The following ZSCAN5A variants were observed in gnomAD, a reference collection of about 807,000 sequenced individuals.
The protein encoded by ZSCAN5A is zinc finger and SCAN domain containing 5A.
Under a neutral mutation model 23.7 loss-of-function variants are expected in ZSCAN5A, and 12 were observed. The observed-to-expected ratio is 0.51, with a 90% confidence interval of 0.32 to 0.82. The LOEUF is 0.82. ZSCAN5A is among the 40% of genes least tolerant of loss of function. The pLI is 0.03. For missense variants in ZSCAN5A, 597 were observed against 617.9 expected, an observed-to-expected ratio of 0.97 and a Z score of 0.36; for synonymous variants, 257 against 239.9, an observed-to-expected ratio of 1.07 and a Z score of -0.66.
chr19:56,239,140 T>C (rs956679492), intron 2 of ZSCAN5A, among the ~76,000 whole-genome samples: 4 of 152,162 alleles, frequency 2.6e-5, no homozygotes, highest in Non-Finnish European at 5.9e-5. Flanking sequence ...CCTGGTTCTA[T>C]TCACAGGGAG....
At position 56,232,005 on chromosome 19, in the gene ZSCAN5A, TGA is replaced by T. The variant is rs1224168549; in HGVS notation, c.-127-6834_-127-6833del. ...TTTCTTTTTTTCTTTTCTTTTTTTT[TGA>T]GACAGTGTCTTGCTCTGTTGCCCAG... On this transcript the variant is annotated intron_variant, in intron 2 of 5. Transcript: ENST00000683990. 4.9e-4 allele frequency among the ~76,000 whole-genome samples: 74 copies of T among 149,518 alleles called. 1 individual carries two copies. The East Asian group carries it at 8.8e-3, about 18-fold the overall frequency.
In ZSCAN5A at chr19:56,223,051, T is replaced by C. The variant is rs556691126; in HGVS notation, c.589-310A>G. On this transcript the variant is annotated intron_variant, in intron 4 of 5. Coordinates refer to ENST00000683990, the MANE Select transcript of ZSCAN5A (RefSeq NM_001322064.3). Reference sequence around the variant, plus strand: ...CCTGCACCTGACACTGGAAGGAGCATGACTCTAGTCGAGGCCCCTCAGCTG... The same window carrying C: ...CCTGCACCTGACACTGGAAGGAGCACGACTCTAGTCGAGGCCCCTCAGCTG... Among the ~76,000 whole-genome samples, 9 of 152,266 alleles carry C rather than the reference T, an allele frequency of 5.9e-5. No individual in the cohort carries two copies. The East Asian group carries it at 1.4e-3, about 23-fold the overall frequency.
chr19:56,223,549 T>C (rs1281537228), intron 4 of ZSCAN5A, 82 bp downstream of exon 4: 2 of 1,428,654 alleles, frequency 1.4e-6, no homozygotes, highest in Non-Finnish European at 1.9e-6. Context: ...GTGTCAAATC[T>C]CTCAATCAGT....
At chr19:56,278,242 A>C (rs58815584) in intron 2 of ZSCAN5A, among the ~76,000 whole-genome samples, 63,797 of 151,840 alleles carry the variant, frequency 0.42, 14,540 homozygotes, top group Non-Finnish European at 0.51. Context: ...TTGCCTCAGC[A>C]TCCGAAGTAG....
At chr19:56,346,161 AAGGT>A (rs1421869410) in intron 2 of ZSCAN5A, among the ~76,000 whole-genome samples, 4 of 152,146 alleles carry the variant, frequency 2.6e-5, no homozygotes, top group Non-Finnish European at 5.9e-5. Context: ...AAAAAAAAAA[AAGGT>A]AGAGTTGATA....
At chr19:56,350,590 T>C (rs1000445182) in intron 2 of ZSCAN5A, among the ~76,000 whole-genome samples, 2 of 152,190 alleles carry the variant, frequency 1.3e-5, no homozygotes, top group African/African-American at 4.8e-5. Flanking sequence ...AATGTCCGCT[T>C]TTCTCTAGGA....
chr19:56,252,808 G>A (rs2036438308), intron 2 of ZSCAN5A, among the ~76,000 whole-genome samples: 1 of 152,232 alleles, frequency 6.6e-6, no homozygotes, highest in South Asian at 2.1e-4. Flanking sequence ...CTGGGGTCCA[G>A]GGGCCAAGGC....
intron 2 of ZSCAN5A, among the ~76,000 whole-genome samples, chr19:56,360,646 C>G (rs1199420957): frequency 1.3e-5 from 2 of 152,014 alleles, no homozygotes; most frequent in African/African-American, 4.8e-5. Flanking sequence ...AAAATTGAAA[C>G]TGGACCCTTT....
chr19:56,341,768 T>C (rs1034794851), intron 2 of ZSCAN5A, among the ~76,000 whole-genome samples: 6 of 132,806 alleles, frequency 4.5e-5, no homozygotes, highest in East Asian at 2.3e-4. Context: ...AAAGGAAACA[T>C]TTCCTTTAGA....
intron 4 of ZSCAN5A, 33 bp from the exon 5 acceptor site, chr19:56,222,774 G>C (rs1430980519): frequency 6.2e-7 from 1 of 1,614,004 alleles, no homozygotes; most frequent in South Asian, 1.1e-5. Context: ...AATGACTGCT[G>C]TGTCCAAACT....
intron 2 of ZSCAN5A, among the ~76,000 whole-genome samples, chr19:56,255,851 G>C (rs1014581308): frequency 6.6e-6 from 1 of 152,132 alleles, no homozygotes; most frequent in Non-Finnish European, 1.5e-5. Context: ...CAGAAAACAT[G>C]ATTTGTTAAC....
chr19:56,325,690 G>A (rs2041425650), intron 2 of ZSCAN5A, among the ~76,000 whole-genome samples: 1 of 152,022 alleles, frequency 6.6e-6, no homozygotes, highest in African/African-American at 2.4e-5. Context: ...GGTTAAGGAG[G>A]GAGAATTCAT....
Position 56,221,875 on chromosome 19 carries a change from A to T in ZSCAN5A, c.1191T>A (p.Ile397=), listed in dbSNP as rs1216451336. ...GGGTTCGCTGGTGAAATTGGAGGCT[A>T]ATAAGCTGCATGAAGCGCTTCCCAC... The part of the protein sequence containing the change: ...NLCGKRFMQL[I]SLQFHQRTHT... The change falls in exon 6 of 6, where the codon ATT becomes ATA. Residue 397 remains isoleucine (I), a synonymous_variant. Transcript: ENST00000683990. 18 of 1,613,996 alleles carry T rather than the reference A, an allele frequency of 1.1e-5. No homozygotes were observed. The highest frequency in any genetic ancestry group is 3.4e-6 in the Non-Finnish European group (4 of 1,180,012).
At chr19:56,258,419 GGACACGCCTTCCAGTGTGGGTGTTGACA>G (rs1568658794) in intron 2 of ZSCAN5A, among the ~76,000 whole-genome samples, 137 of 124,306 alleles carry the variant, frequency 1.1e-3, no homozygotes, top group African/African-American at 5.5e-3. Flanking sequence ...TGGGGGTGAC[GGACACGCCTTCCAGTGTGGGTGTTGACA>G]GACACACCTT....
chr19:56,358,386 G>A (rs112802923), intron 2 of ZSCAN5A, among the ~76,000 whole-genome samples: 10,574 of 148,954 alleles, frequency 0.071, 1,109 homozygotes, highest in East Asian at 0.14. Flanking sequence ...CTCCCAAAGC[G>A]CTGGGATTAC....
intron 2 of ZSCAN5A, among the ~76,000 whole-genome samples, chr19:56,328,994 C>CAAAAAAAA (rs61646242): frequency 8.5e-5 from 9 of 106,392 alleles, no homozygotes; most frequent in East Asian, 2.4e-4. Flanking sequence ...GACTCCGTCT[C>CAAAAAAAA]AAAAAAAAAA....
intron 2 of ZSCAN5A, among the ~76,000 whole-genome samples, chr19:56,334,052 G>T (rs1422818430): frequency 6.6e-6 from 1 of 152,180 alleles, no homozygotes; most frequent in Non-Finnish European, 1.5e-5. Flanking sequence ...AGAGATTACA[G>T]ATTTAAAAAT....
chr19:56,246,525 G>A (rs771299461), intron 2 of ZSCAN5A: 1 of 662,146 alleles, frequency 1.5e-6, no homozygotes. Flanking sequence ...GTGTGGGGCT[G>A]GGGTCCCAGC....
In ZSCAN5A at chr19:56,222,242, C is replaced by A. The variant is rs767992521; in HGVS notation, c.824G>T (p.Cys275Phe). The A allele has an allele frequency of 6.2e-7, 1 of 1,613,932 alleles. No homozygotes were observed. Among genetic ancestry groups the A allele is most frequent in the Non-Finnish European group, 8.5e-7 (1 of 1,179,882 alleles). The change falls in exon 6 of 6, where the codon TGC (cysteine) becomes TTC (phenylalanine). Residue 275 changes from cysteine (C) to phenylalanine (F), a missense_variant. Around this residue, in one of 5 missense-constraint regions of ZSCAN5A, gnomAD observed 406 missense variants for 353.2 expected, o/e 1.15. Coordinates refer to ENST00000683990, the MANE Select transcript of ZSCAN5A (RefSeq NM_001322064.3). ...ENVDADTPSA[C>F]VVEREASTHS... ...AGTCGAAGCTTCTCTCTCCACAACG[C>A]AGGCAGAAGGTGTGTCAGCATCCAC...
Sources: gnomAD v4.1 joint callset for allele counts (sites outside exome capture counted in the v4.1 genomes callset) on GRCh38, gnomAD v4.1.1 for gene constraint, gnomAD v4.1.1 regional missense constraint, MANE v1.5 for transcripts, NCBI Gene and HGNC (gene_info 2026-07-23, HGNC 2026-07-21) for gene names.